The following PRRT4 variants were observed in gnomAD, a reference collection of about 807,000 sequenced individuals.
PRRT4 encodes the protein proline-rich transmembrane protein 4.
Under a neutral mutation model 55.6 loss-of-function variants are expected in PRRT4, and 59 were observed. The ratio of observed to expected loss-of-function variants is 1.06; its 90% CI spans 0.86 to 1.32. The LOEUF (loss-of-function observed/expected upper bound fraction) is 1.32, where lower values mean the gene tolerates loss of function less well. PRRT4 is among the 40% of genes most tolerant of loss of function. PRRT4 has a pLI of 0.00. For missense variants in PRRT4, 1,217 were observed against 1,222.0 expected, an observed-to-expected ratio of 1.00 and a Z score of 0.06; for synonymous variants, 606 against 601.8, an observed-to-expected ratio of 1.01 and a Z score of -0.10.
At chr7:128,359,559 G>A (rs1348744542) in exon 2 of PRRT4, 2 of 1,492,872 alleles carry the variant, frequency 1.3e-6, no homozygotes, top group Non-Finnish European at 1.8e-6. Flanking sequence ...GGCTGATAGG[G>A]GGCAGTGGGC....
At chr7:128,353,782 A>G (rs1797052257) in intron 4 of PRRT4, among the ~76,000 whole-genome samples, 1 of 152,198 alleles carries the variant, frequency 6.6e-6, no homozygotes, top group African/African-American at 2.4e-5. Flanking sequence ...CCATCTAAGT[A>G]AGTGAGCCCC....
intron 4 of PRRT4, among the ~76,000 whole-genome samples, chr7:128,355,563 G>A (rs907062920): frequency 1.3e-5 from 2 of 152,296 alleles, no homozygotes; most frequent in East Asian, 1.9e-4. Context: ...TCAATTAAAC[G>A]AGAAACTACT....
chr7:128,352,582 C>A (rs778769686), exon 5 of PRRT4: 2 of 1,544,262 alleles, frequency 1.3e-6, no homozygotes, highest in South Asian at 2.4e-5. Flanking sequence ...TTCTCCCACG[C>A]TGCAGGACCC....
exon 2 of PRRT4, chr7:128,359,365 C>A (rs1420475834): frequency 6.8e-7 from 1 of 1,471,730 alleles, no homozygotes; most frequent in East Asian, 2.5e-5. Context: ...GCCCAGCAAT[C>A]TCTGCCAGGC....
intron 1 of PRRT4, 43 bp from the exon 3 acceptor site, chr7:128,360,106 CT>C: frequency 1.2e-6 from 1 of 836,548 alleles, no homozygotes; most frequent in Non-Finnish European, 1.6e-6. Context: ...TGTGGCCCCC[CT>C]CTTCCCTTTC....
chr7:128,358,676 C>T lies in PRRT4; in HGVS notation c.877+5G>A, dbSNP rs1309506279. On this transcript the variant is annotated splice_donor_5th_base_variant and intron_variant, in intron 4 of 4. Coordinates refer to ENST00000535159, the Ensembl canonical transcript of PRRT4. This position sits in a 1 kb window ranked among gnomAD's most constrained non-coding sequence, Gnocchi z 4.4. ...TTGTCAAGTTCAAATGAATTGGATA[C>T]TTACCTAATGATGTTGTTGCAATCG... The T allele has an allele frequency of 1.5e-5, 23 of 1,551,568 alleles. No homozygotes were observed. Among genetic ancestry groups the T allele is most frequent in the Non-Finnish European group, 1.8e-5 (21 of 1,146,864 alleles).
intron 4 of PRRT4, among the ~76,000 whole-genome samples, chr7:128,355,702 A>G (rs186884135): frequency 1.3e-5 from 2 of 152,316 alleles, no homozygotes; most frequent in East Asian, 3.9e-4. Flanking sequence ...CTTCCTCTGC[A>G]AAGTGATTGG....
At chr7:128,357,728 C>T (rs1306729634) in intron 4 of PRRT4, among the ~76,000 whole-genome samples, 1 of 152,194 alleles carries the variant, frequency 6.6e-6, no homozygotes, top group Non-Finnish European at 1.5e-5. Context: ...TGAGAAGTTT[C>T]ACAGCCACAG....
At chr7:128,361,152 TAC>T (rs1435144368) in intron 1 of PRRT4, among the ~76,000 whole-genome samples, 152 bp downstream of exon 2, 1 of 145,626 alleles carries the variant, frequency 6.9e-6, no homozygotes, top group African/African-American at 2.6e-5. Context: ...GCATGTACTG[TAC>T]AGAGATGCAC....
chr7:128,350,607 A>G (rs1356286515), downstream of PRRT4: 3 of 575,034 alleles, frequency 5.2e-6, no homozygotes, highest in Non-Finnish European at 6.1e-6. Flanking sequence ...TGCCAAGGAA[A>G]ATGGGACCCC....
exon 5 of PRRT4, chr7:128,352,534 C>T (rs1797014687): frequency 3.2e-6 from 5 of 1,544,052 alleles, no homozygotes; most frequent in Non-Finnish European, 4.4e-6. Context: ...AAAGAGGGGC[C>T]TCGGCGCCTC....
exon 5 of PRRT4, chr7:128,351,118 C>T: frequency 3.9e-6 from 6 of 1,548,198 alleles, no homozygotes; most frequent in Non-Finnish European, 5.2e-6. Context: ...CATGGACGAG[C>T]TGTCCCGCGA....
chr7:128,354,568 AAAACACACACACACAC>A (rs1483740271), intron 4 of PRRT4, among the ~76,000 whole-genome samples: 11 of 121,278 alleles, frequency 9.1e-5, no homozygotes, highest in Admixed American at 3.2e-4. Context: ...TGGCTCAAAA[AAAACACACACACACAC>A]ACACACACAC....
At chr7:128,350,984 G>A (rs1281094632) in exon 5 of PRRT4, 4 of 1,551,006 alleles carry the variant, frequency 2.6e-6, no homozygotes, top group Admixed American at 2.0e-5. Context: ...TCGCGAGAGG[G>A]TGGGGACAGG....
At chr7:128,350,710 C>T (rs530145389), downstream of PRRT4, 12 of 1,312,888 alleles carry the variant, frequency 9.1e-6, no homozygotes, top group Non-Finnish European at 1.2e-5. Flanking sequence ...GCTGCTGACC[C>T]ACCCACCCAG....
intron 1 of PRRT4, among the ~76,000 whole-genome samples, chr7:128,360,962 C>T (rs539810865): frequency 5.5e-4 from 83 of 151,898 alleles, no homozygotes; most frequent in Non-Finnish European, 1.1e-3. Flanking sequence ...CCGTCACATA[C>T]CCCCCTGCCC....
chr7:128,353,176 C>T (rs1275540665), intron 4 of PRRT4, among the ~76,000 whole-genome samples: 1 of 151,988 alleles, frequency 6.6e-6, no homozygotes, highest in South Asian at 2.1e-4. Flanking sequence ...CCTGTACTGC[C>T]GGATGCAGAT....
rs753020852 is a variant in PRRT4 at position 128,352,228 on chromosome 7, C to T, written c.1328G>A (p.Cys443Tyr). ...GGCCAGCCCCAGGCCGGCAGCCAAGCAGGGCAGCGGAAGGTCCTGCAGCAG... is the reference window on the plus strand; with the variant it reads ...GGCCAGCCCCAGGCCGGCAGCCAAGTAGGGCAGCGGAAGGTCCTGCAGCAG... Residue 443 changes from cysteine (C) to tyrosine (Y), a missense_variant, in exon 5 of 5, where the codon TGC becomes TAC. Cys to Tyr is a radical substitution (Grantham distance 194). This residue lies in a region of PRRT4 where 564 missense variants were observed against 592.9 expected (regional missense o/e 0.95). Coordinates refer to ENST00000535159, the Ensembl canonical transcript of PRRT4. 7.8e-6 allele frequency: 12 copies of T among 1,535,476 alleles called. No individual in the cohort carries two copies. The South Asian group carries it at 1.3e-4, about 17-fold the overall frequency.
chr7:128,359,497 T>A (rs939081489), exon 2 of PRRT4: 3 of 1,465,926 alleles, frequency 2.0e-6, no homozygotes, highest in Non-Finnish European at 9.0e-7. Context: ...GAGCACTGGA[T>A]GGAAGTGCTG....
Sources: gnomAD v4.1 joint callset for allele counts (sites outside exome capture counted in the v4.1 genomes callset) on GRCh38, gnomAD v4.1.1 for gene constraint, gnomAD v4.1.1 regional missense constraint, Gnocchi (gnomAD v3.1) non-coding constraint, MANE v1.5 for transcripts, NCBI Gene and HGNC (gene_info 2026-07-23, HGNC 2026-07-21) for gene names.